Variants in CDH12 observed in about 807,000 individuals in gnomAD.
CDH12 encodes cadherin-12.
In CDH12, 41 loss-of-function variants were observed where a neutral mutation model predicts 74.1. The ratio of observed to expected loss-of-function variants is 0.55; its 90% CI spans 0.43 to 0.72. CDH12 has a LOEUF of 0.72. CDH12 is among the 30% of genes least tolerant of loss of function. CDH12 has a pLI of 0.00. For synonymous variants in CDH12, 399 were observed against 355.0 expected (o/e 1.12, Z -1.39); for missense variants, 945 against 977.2 (o/e 0.97, Z 0.44).
At position 22,781,174 on chromosome 5, in the gene CDH12, A is replaced by T. The variant is rs576842009; in HGVS notation, c.-523+71884T>A. Reference sequence around the variant, plus strand: ...GTGCATTCCAATTTTGTACGATGTTATTCAAAGTGCTGCACTCAAGAAAAA... The same window carrying T: ...GTGCATTCCAATTTTGTACGATGTTTTTCAAAGTGCTGCACTCAAGAAAAA... On this transcript the variant is annotated intron_variant, in intron 1 of 14. Transcript: ENST00000382254. Among the ~76,000 whole-genome samples the T allele has an allele frequency of 2.0e-5, 3 of 152,338 alleles. No individual in the cohort carries two copies. The South Asian group carries it at 6.2e-4, about 32-fold the overall frequency.
At chr5:22,035,267 G>C (rs1739090094) in intron 5 of CDH12, among the ~76,000 whole-genome samples, 1 of 152,074 alleles carries the variant, frequency 6.6e-6, no homozygotes, top group South Asian at 2.1e-4. Flanking sequence ...ACCTAATCAA[G>C]TAGCAGGATA....
chr5:22,318,622 C>T (rs1561308966), intron 3 of CDH12, among the ~76,000 whole-genome samples: 1 of 152,106 alleles, frequency 6.6e-6, no homozygotes, highest in Non-Finnish European at 1.5e-5. Context: ...TCAAGCTGTA[C>T]CTGAAGCCAT....
intron 5 of CDH12, among the ~76,000 whole-genome samples, chr5:22,059,629 C>T (rs1459175681): frequency 2.0e-5 from 3 of 152,070 alleles, no homozygotes; most frequent in African/African-American, 7.2e-5. Context: ...TAATGCTCAA[C>T]ACTTTGTAAA....
At chr5:22,836,319 G>C (rs1482289875) in intron 1 of CDH12, among the ~76,000 whole-genome samples, 1 of 137,552 alleles carries the variant, frequency 7.3e-6, no homozygotes, top group Non-Finnish European at 1.5e-5. Flanking sequence ...TTCCTCCTGG[G>C]TTCAAGTGAT....
At chr5:22,769,962 A>T (rs928144821) in intron 1 of CDH12, among the ~76,000 whole-genome samples, 1 of 152,074 alleles carries the variant, frequency 6.6e-6, no homozygotes, top group East Asian at 1.9e-4. Context: ...ACGCACGGAC[A>T]CACATATGTA....
At chr5:22,261,140 T>C (rs770323572) in intron 3 of CDH12, among the ~76,000 whole-genome samples, 2 of 151,690 alleles carry the variant, frequency 1.3e-5, no homozygotes, top group Non-Finnish European at 2.9e-5. Flanking sequence ...GGGACTTCAA[T>C]GGAAATTTGC....
intron 6 of CDH12, among the ~76,000 whole-genome samples, chr5:21,918,194 T>C (rs1187497845): frequency 6.6e-6 from 1 of 152,146 alleles, no homozygotes; most frequent in Non-Finnish European, 1.5e-5. Flanking sequence ...ATAAAATTAG[T>C]ATTTTATAGT....
chr5:21,936,628 C>A (rs1755085323), intron 6 of CDH12, among the ~76,000 whole-genome samples: 1 of 152,148 alleles, frequency 6.6e-6, no homozygotes, highest in Non-Finnish European at 1.5e-5. Context: ...TGTCAATCTA[C>A]TTTGCGTTGT....
intron 11 of CDH12, chr5:21,774,498 T>C (rs1745484573): frequency 6.6e-6 from 1 of 152,188 alleles, no homozygotes; most frequent in South Asian, 2.1e-4. Context: ...TGGGACCTCA[T>C]CTTGTGATCA....
chr5:22,627,445 TAA>T (rs34379996), intron 1 of CDH12, among the ~76,000 whole-genome samples: 4 of 144,904 alleles, frequency 2.8e-5, no homozygotes, highest in Non-Finnish European at 3.0e-5. Flanking sequence ...TCACTATTAT[TAA>T]AAAAAAAAAA....
At chr5:22,379,967 T>A (rs1295933247) in intron 3 of CDH12, among the ~76,000 whole-genome samples, 3 of 152,120 alleles carry the variant, frequency 2.0e-5, no homozygotes, top group Admixed American at 6.6e-5. Flanking sequence ...CTATTTTACC[T>A]AGGCTGGTTT....
At chr5:22,738,975 AC>A (rs1409330140) in intron 1 of CDH12, among the ~76,000 whole-genome samples, 1 of 152,124 alleles carries the variant, frequency 6.6e-6, no homozygotes, top group Non-Finnish European at 1.5e-5. Context: ...AAAGCTCTGT[AC>A]CAATTTATAA....
chr5:22,612,966 T>C (rs908786112), intron 1 of CDH12, among the ~76,000 whole-genome samples: 2 of 152,102 alleles, frequency 1.3e-5, no homozygotes, highest in Admixed American at 1.3e-4. Context: ...ATAATGAAGA[T>C]GGAGTGTAGC....
At chr5:22,055,660 TC>T (rs935005892) in intron 5 of CDH12, among the ~76,000 whole-genome samples, 185 of 152,138 alleles carry the variant, frequency 1.2e-3, no homozygotes, top group African/African-American at 4.2e-3. Context: ...CATTACTTGA[TC>T]AAAAAAATTC....
chr5:21,762,146 C>T (rs1482418965), intron 12 of CDH12, among the ~76,000 whole-genome samples: 1 of 152,060 alleles, frequency 6.6e-6, no homozygotes, highest in Non-Finnish European at 1.5e-5. Flanking sequence ...TATAAACTAG[C>T]AACATTACTA....
intron 3 of CDH12, among the ~76,000 whole-genome samples, chr5:22,360,370 G>A: frequency 6.6e-6 from 1 of 152,094 alleles, no homozygotes; most frequent in Non-Finnish European, 1.5e-5. Flanking sequence ...ACCCTCCCAA[G>A]ACTAAACCAG....
At chr5:22,399,141 T>C (rs1742595661) in intron 3 of CDH12, among the ~76,000 whole-genome samples, 1 of 152,162 alleles carries the variant, frequency 6.6e-6, no homozygotes, top group Admixed American at 6.6e-5. Flanking sequence ...ATCCAATCTG[T>C]ATGTATATAC....
intron 1 of CDH12, among the ~76,000 whole-genome samples, chr5:22,701,563 C>A (rs1390571827): frequency 2.0e-5 from 3 of 152,122 alleles, no homozygotes; most frequent in Non-Finnish European, 4.4e-5. Flanking sequence ...TATGTTCATT[C>A]TCCCTAAGTA....
At chr5:21,838,244 A>T (rs953604529) in intron 8 of CDH12, among the ~76,000 whole-genome samples, 1 of 152,156 alleles carries the variant, frequency 6.6e-6, no homozygotes, top group Non-Finnish European at 1.5e-5. Flanking sequence ...AAAGTTCTTG[A>T]CACATATGTA....
Sources: gnomAD v4.1 joint callset for allele counts (sites outside exome capture counted in the v4.1 genomes callset) on GRCh38, gnomAD v4.1.1 for gene constraint, MANE v1.5 for transcripts, NCBI Gene and HGNC (gene_info 2026-07-23, HGNC 2026-07-21) for gene names.